Variants in SGCD observed in about 807,000 individuals in gnomAD.
SGCD encodes delta-sarcoglycan.
In SGCD, 18 loss-of-function variants were observed where a neutral mutation model predicts 36.6. That is an observed-to-expected ratio of 0.49 (90% CI 0.34 to 0.73). The LOEUF (loss-of-function observed/expected upper bound fraction) is 0.73, where lower values mean the gene tolerates loss of function less well. Ranked by LOEUF, SGCD falls within the 30% of genes least tolerant of loss-of-function variation. The pLI, the probability that SGCD is intolerant of heterozygous loss-of-function variation, is 0.01. For missense variants in SGCD, 387 were observed against 346.7 expected (o/e 1.12, Z -0.92); for synonymous variants, 133 against 130.6 (o/e 1.02, Z -0.12).
chr5:155,819,148 T>G, the SGCD span, among the ~76,000 whole-genome samples: 1 of 152,334 alleles, frequency 6.6e-6, no homozygotes, highest in Non-Finnish European at 1.5e-5. Context: ...AACTGGATAT[T>G]TCCACTGTTT....
chr5:156,234,035 C>T (rs1016774379), intron 3 of SGCD, among the ~76,000 whole-genome samples: 1 of 152,174 alleles, frequency 6.6e-6, no homozygotes, highest in Non-Finnish European at 1.5e-5. Context: ...TCCCATTGCT[C>T]TACATCCTTG....
chr5:156,635,894 G>T, intron 6 of SGCD, among the ~76,000 whole-genome samples: 1 of 151,512 alleles, frequency 6.6e-6, no homozygotes. Flanking sequence ...GTGGGGTGGG[G>T]GGAGGCGGGA....
At chr5:156,162,879 T>C (rs571562975) in intron 3 of SGCD, among the ~76,000 whole-genome samples, 2 of 151,744 alleles carry the variant, frequency 1.3e-5, no homozygotes, top group Admixed American at 6.5e-5. Flanking sequence ...GGTTCTATAA[T>C]AGCCCACACA....
intron 3 of SGCD, among the ~76,000 whole-genome samples, chr5:156,398,004 C>T (rs560020520): frequency 6.6e-6 from 1 of 152,262 alleles, no homozygotes; most frequent in South Asian, 2.1e-4. Flanking sequence ...CCTTTTTAAC[C>T]CCTTTATACA....
At chr5:156,579,016 T>G (rs1760116123) in intron 4 of SGCD, among the ~76,000 whole-genome samples, 1 of 152,242 alleles carries the variant, frequency 6.6e-6, no homozygotes, top group Admixed American at 6.5e-5. Flanking sequence ...GGTGTCGATT[T>G]TAGATCTTTC....
chr5:156,383,943 A>T (rs1008582452), intron 3 of SGCD, among the ~76,000 whole-genome samples: 2 of 152,210 alleles, frequency 1.3e-5, no homozygotes, highest in Non-Finnish European at 1.5e-5. Context: ...TGATAAAGAT[A>T]TGGGGGACTG....
the SGCD span, among the ~76,000 whole-genome samples, chr5:155,746,026 G>A: frequency 4.7e-4 from 72 of 152,176 alleles, no homozygotes; most frequent in East Asian, 0.011. Flanking sequence ...GACACATACC[G>A]AAATATTTAT....
intron 1 of SGCD, among the ~76,000 whole-genome samples, chr5:155,900,346 T>A (rs2113336117): frequency 1.3e-5 from 2 of 152,158 alleles, no homozygotes; most frequent in South Asian, 4.2e-4. Flanking sequence ...ACAACACAAA[T>A]TAAAAACAAT....
At chr5:155,946,787 T>G (rs1489123062) in intron 1 of SGCD, among the ~76,000 whole-genome samples, 1 of 152,202 alleles carries the variant, frequency 6.6e-6, no homozygotes, top group Non-Finnish European at 1.5e-5. Context: ...GAGACAGAAC[T>G]GTATATGATT....
At chr5:156,657,641 T>G (rs1463201743) in intron 7 of SGCD, among the ~76,000 whole-genome samples, 2 of 152,016 alleles carry the variant, frequency 1.3e-5, no homozygotes, top group African/African-American at 4.8e-5. Context: ...TGCATGCCGG[T>G]AATCCCAGCT....
chr5:156,440,205 T>C (rs1254963881), intron 3 of SGCD, among the ~76,000 whole-genome samples: 1 of 152,166 alleles, frequency 6.6e-6, no homozygotes, highest in African/African-American at 2.4e-5. Context: ...CTATTTCAGA[T>C]ATCAATATGT....
At chr5:155,767,197 C>T in the SGCD span, among the ~76,000 whole-genome samples, 2 of 152,202 alleles carry the variant, frequency 1.3e-5, no homozygotes, top group Non-Finnish European at 2.9e-5. Context: ...GTGGGTCAGG[C>T]TGCTGGTGCG....
intron 3 of SGCD, among the ~76,000 whole-genome samples, chr5:156,500,268 C>T (rs1180194691): frequency 6.6e-6 from 1 of 152,184 alleles, no homozygotes; most frequent in Non-Finnish European, 1.5e-5. Context: ...AATTCTGTCA[C>T]TCTACAGATA....
Position 156,081,691 on chromosome 5 carries a change from A to G in SGCD, c.-281-36187A>G, listed in dbSNP as rs115918845. ...TTACAGACATGAGCCACTGTGCCCA[A>G]CCATGTTCCCTTTTTATAAATATTC... On this transcript the variant is annotated intron_variant, in intron 1 of 9. Transcript: ENST00000517913. Among the ~76,000 whole-genome samples the G allele has an allele frequency of 6.3e-3, 960 of 152,256 alleles. 6 individuals are homozygous for G. Among genetic ancestry groups the G allele is most frequent in the African/African-American group, 0.021 (887 of 41,558 alleles).
chr5:156,710,093 A>C (rs954844580), intron 7 of SGCD, among the ~76,000 whole-genome samples: 1 of 152,112 alleles, frequency 6.6e-6, no homozygotes, highest in African/African-American at 2.4e-5. Context: ...CTTATCCACC[A>C]AAGGTTGCAG....
At position 156,588,988 on chromosome 5, in the gene SGCD, T is replaced by TTGTGTGTG. The variant is rs113243314; in HGVS notation, c.295-214_295-207dup. On this transcript the variant is annotated intron_variant, in intron 4 of 8. Coordinates refer to ENST00000337851, the MANE Select transcript of SGCD (RefSeq NM_000337.6). Reference sequence around the variant, plus strand: ...TGTGTGTGTTCTGGGGGAATCTATATTGTGTGTGTGTGTGTGTGTGTGTGT... The same window carrying TTGTGTGTG: ...TGTGTGTGTTCTGGGGGAATCTATATTGTGTGTGTGTGTGTGTGTGTGTGTGTGTGTGT... Among the ~76,000 whole-genome samples the TTGTGTGTG allele has an allele frequency of 0.046, 6,560 of 143,080 alleles. 202 individuals are homozygous for TTGTGTGTG. The highest frequency in any genetic ancestry group is 0.075 in the African/African-American group (2,889 of 38,488). The allele number at this position is 143,080 out of a possible 152,430, so 93.9% of individuals were successfully genotyped here. A position where few individuals can be genotyped will look rare whatever the true frequency, so the allele number is the denominator to read the frequency against.
chr5:156,397,153 G>A (rs1477133019), intron 3 of SGCD, among the ~76,000 whole-genome samples: 1 of 152,180 alleles, frequency 6.6e-6, no homozygotes, highest in Non-Finnish European at 1.5e-5. Flanking sequence ...TGGACTTTGT[G>A]TAAGATCTCC....
chr5:156,140,586 G>A (rs1404544003), intron 3 of SGCD, among the ~76,000 whole-genome samples: 1 of 152,192 alleles, frequency 6.6e-6, no homozygotes, highest in Non-Finnish European at 1.5e-5. Context: ...AAATTTAGTG[G>A]AGAATATCTC....
intron 3 of SGCD, among the ~76,000 whole-genome samples, chr5:156,280,029 C>T (rs1032518102): frequency 6.6e-6 from 1 of 151,766 alleles, no homozygotes; most frequent in Non-Finnish European, 1.5e-5. Context: ...GGGTTTTTTT[C>T]TTGTCTCCCT....
Sources: gnomAD v4.1 joint callset for allele counts (sites outside exome capture counted in the v4.1 genomes callset) on GRCh38, gnomAD v4.1.1 for gene constraint, MANE v1.5 for transcripts, NCBI Gene and HGNC (gene_info 2026-07-23, HGNC 2026-07-21) for gene names.